Variants in APPBP2 observed in about 807,000 individuals in gnomAD.
The protein encoded by APPBP2 is amyloid protein-binding protein 2.
A neutral mutation model predicts 76.0 loss-of-function variants in APPBP2; 15 were observed. The observed-to-expected ratio is 0.20, with a 90% confidence interval of 0.13 to 0.30. The LOEUF (loss-of-function observed/expected upper bound fraction) is 0.30, where lower values mean the gene tolerates loss of function less well. Among genes scored for constraint, APPBP2 ranks in the 10% least tolerant of loss-of-function variants. The pLI is 1.00. For synonymous variants in APPBP2, 222 were observed against 242.2 expected (o/e 0.92, Z 0.77); for missense variants, 401 against 687.2 (o/e 0.58, Z 4.66).
intron 1 of APPBP2, among the ~76,000 whole-genome samples, chr17:60,510,784 T>C (rs1474581024): frequency 6.6e-6 from 1 of 152,244 alleles, no homozygotes; most frequent in Non-Finnish European, 1.5e-5. Flanking sequence ...ATTCCTTTTC[T>C]TTGTACTTTA....
chr17:60,481,523 A>G (rs2090628601), intron 3 of APPBP2, among the ~76,000 whole-genome samples: 1 of 152,198 alleles, frequency 6.6e-6, no homozygotes, highest in African/African-American at 2.4e-5. Flanking sequence ...TCTTGTTGAG[A>G]AGGAGAAAAT....
At chr17:60,490,770 C>T (rs1456342259) in intron 3 of APPBP2, among the ~76,000 whole-genome samples, 3 of 152,118 alleles carry the variant, frequency 2.0e-5, no homozygotes, top group Non-Finnish European at 2.9e-5. Context: ...GTAAGTCTCA[C>T]GAGATCTGAT....
At chr17:60,514,273 A>ACC (rs2090944983) in intron 1 of APPBP2, among the ~76,000 whole-genome samples, 2 of 152,062 alleles carry the variant, frequency 1.3e-5, no homozygotes, top group Non-Finnish European at 1.5e-5. Flanking sequence ...CAGCCTGGGT[A>ACC]ACAGAGCAAG....
rs946625171 is a variant in APPBP2, at chr17:60,481,742, G to C, written c.380-2471C>G. On this transcript the variant is annotated intron_variant, in intron 3 of 12. Coordinates refer to ENST00000083182, the MANE Select transcript of APPBP2 (RefSeq NM_006380.5). ...TCTGTTCAAAACAAATGAGATCCTT[G>C]TTTTCAAAAGAAGTTAGGAAAAGAA... Among the ~76,000 whole-genome samples the C allele has an allele frequency of 2.0e-5, 3 of 152,194 alleles. 1 individual carries two copies. The highest frequency in any genetic ancestry group is 1.3e-4 in the Admixed American group (2 of 15,276).
At chr17:60,498,826 T>C (rs1317160802) in intron 2 of APPBP2, among the ~76,000 whole-genome samples, 1 of 152,064 alleles carries the variant, frequency 6.6e-6, no homozygotes, top group Non-Finnish European at 1.5e-5. Flanking sequence ...TAATTCATAG[T>C]GAAATAATAC....
At chr17:60,525,589 T>C (rs1206984949) in intron 1 of APPBP2, among the ~76,000 whole-genome samples, 1 of 152,088 alleles carries the variant, frequency 6.6e-6, no homozygotes, top group Non-Finnish European at 1.5e-5. Flanking sequence ...TCCCCAAGAT[T>C]ACTTCAAGGC....
intron 1 of APPBP2, among the ~76,000 whole-genome samples, chr17:60,522,770 C>T (rs901009466): frequency 5.3e-5 from 8 of 152,008 alleles, no homozygotes; most frequent in South Asian, 2.1e-4. Context: ...GACTTTGCTC[C>T]GTAACTTATT....
In APPBP2 at chr17:60,455,629, C is replaced by G. The variant is rs536047100; in HGVS notation, c.1147+667G>C. Among the ~76,000 whole-genome samples, 9 of 152,264 alleles carry G rather than the reference C, an allele frequency of 5.9e-5. No individual in the cohort carries two copies. In the East Asian group the frequency reaches 1.7e-3, roughly 29 times the overall value. ...CTGATACGAAGCTCAGGATAAGAAT[C>G]CTGCACTACAAAGCTGAAGTTATGA... On this transcript the variant is annotated intron_variant, in intron 10 of 12. Transcript: ENST00000083182.
chr17:60,473,518 T>TA (rs748251116), intron 4 of APPBP2, among the ~76,000 whole-genome samples: 2 of 152,182 alleles, frequency 1.3e-5, no homozygotes, highest in Non-Finnish European at 2.9e-5. Flanking sequence ...TTAAAACACT[T>TA]ATAATTTATA....
At chr17:60,470,040 C>T (rs2090541017) in intron 4 of APPBP2, among the ~76,000 whole-genome samples, 1 of 151,924 alleles carries the variant, frequency 6.6e-6, no homozygotes, top group African/African-American at 2.4e-5. Context: ...AATGCTCTCT[C>T]AGCAGAATCA....
intron 8 of APPBP2, chr17:60,461,022 A>C: frequency 4.2e-6 from 1 of 237,194 alleles, no homozygotes. Flanking sequence ...AATAATAATC[A>C]TTCCTATGTC....
intron 1 of APPBP2, among the ~76,000 whole-genome samples, chr17:60,523,236 A>AG (rs952823966): frequency 7.2e-5 from 11 of 152,240 alleles, no homozygotes; most frequent in African/African-American, 2.6e-4. Flanking sequence ...CAAGTTGGGC[A>AG]GGGGGTGAGT....
intron 1 of APPBP2, among the ~76,000 whole-genome samples, chr17:60,523,523 C>A (rs755852039): frequency 2.0e-5 from 3 of 151,918 alleles, no homozygotes; most frequent in African/African-American, 4.8e-5. Context: ...TATGTATATG[C>A]TAATAGTGTT....
intron 3 of APPBP2, among the ~76,000 whole-genome samples, chr17:60,489,997 T>C (rs1199069741): frequency 6.6e-6 from 1 of 152,118 alleles, no homozygotes; most frequent in Admixed American, 6.6e-5. Context: ...ATCATGCCAC[T>C]GCACTCCAGC....
At chr17:60,509,869 G>A (rs1271068998) in intron 1 of APPBP2, among the ~76,000 whole-genome samples, 1 of 152,108 alleles carries the variant, frequency 6.6e-6, no homozygotes, top group Non-Finnish European at 1.5e-5. Flanking sequence ...TCACATGAAA[G>A]GGGAAAGTGA....
chr17:60,465,341 T>C (rs1431155831), intron 5 of APPBP2, among the ~76,000 whole-genome samples: 2 of 152,212 alleles, frequency 1.3e-5, no homozygotes, highest in Admixed American at 6.5e-5. Flanking sequence ...CTGGGGTTGA[T>C]ATTACCTCTG....
chr17:60,454,899 C>G (rs1326227425), intron 10 of APPBP2, among the ~76,000 whole-genome samples: 1 of 152,130 alleles, frequency 6.6e-6, no homozygotes, highest in Non-Finnish European at 1.5e-5. Flanking sequence ...AAAACATAAC[C>G]TTTAACCAAA....
intron 1 of APPBP2, among the ~76,000 whole-genome samples, chr17:60,511,989 T>C (rs2090917310): frequency 6.6e-6 from 1 of 152,146 alleles, no homozygotes; most frequent in Non-Finnish European, 1.5e-5. Context: ...AAAAGTTACA[T>C]CTTTGAAACC....
chr17:60,478,045 T>C (rs1296395136), intron 4 of APPBP2, among the ~76,000 whole-genome samples: 2 of 151,954 alleles, frequency 1.3e-5, no homozygotes, highest in Non-Finnish European at 2.9e-5. Flanking sequence ...TATAGGAGAA[T>C]ATTCTAGGTT....
Sources: allele counts gnomAD v4.1 joint callset (sites outside exome capture counted in the v4.1 genomes callset), GRCh38; gene constraint gnomAD v4.1.1; transcripts MANE v1.5; gene names NCBI Gene and HGNC (gene_info 2026-07-23, HGNC 2026-07-21).